ATP13A3: variants seen among roughly 807,000 people sequenced by gnomAD.
ATP13A3 encodes the protein ATPase 13A3.
Under a neutral mutation model 158.1 loss-of-function variants are expected in ATP13A3, and 59 were observed. That is an observed-to-expected ratio of 0.37 (90% confidence interval 0.30 to 0.46). The LOEUF is 0.46. ATP13A3 is among the 20% of genes least tolerant of loss of function. The pLI, the probability that ATP13A3 is intolerant of heterozygous loss-of-function variation, is 1.00. For synonymous variants in ATP13A3, 491 were observed against 504.3 expected (o/e 0.97, Z 0.35); for missense variants, 1,166 against 1,525.2 (o/e 0.76, Z 3.92).
In ATP13A3 at chr3:194,419,912, C is replaced by T. The variant is rs376934418; in HGVS notation, c.3369G>A (p.Leu1123=). ...FLYIFILFIM[L]YPVASVDQVL... is the part of the protein sequence containing the mutation. The stretch of plus-strand genomic sequence containing the variant: ...CCTGGTCAACAGAGGCAACTGGATA[C>T]AACATGATGAATAATATAAAAATAT... Residue 1123 remains leucine (L), a synonymous_variant, in exon 31 of 34, where the codon TTG becomes TTA. Transcript: ENST00000645319. 1.3e-5 allele frequency: 20 copies of T among 1,554,988 alleles called. No individual in the cohort carries two copies. The African/African-American group carries it at 2.5e-4, about 20-fold the overall frequency.
In ATP13A3 at chr3:194,447,568, G is replaced by T. The variant is rs551629335; in HGVS notation, c.1308+284C>A. ...AAGCTTTTGGTGATTATGTGGGGGG[G>T]TTTTTTTTCCTGTTTTTTTTTTTTA... On this transcript the variant is annotated intron_variant, in intron 13 of 33. Transcript: ENST00000645319. Among the ~76,000 whole-genome samples the T allele has an allele frequency of 4.3e-4, 65 of 149,970 alleles. 1 individual carries two copies. In the South Asian group the frequency reaches 9.7e-3, roughly 22 times the overall value.
upstream of ATP13A3, among the ~76,000 whole-genome samples, chr3:194,491,970 C>T (rs1366338140): frequency 6.6e-6 from 1 of 152,192 alleles, no homozygotes; most frequent in Non-Finnish European, 1.5e-5. Flanking sequence ...ACCTCCAGTG[C>T]ATTATCACAC....
rs377079319 is a variant in ATP13A3, at chr3:194,464,198, C to T, written c.-46-1962G>A. Reference sequence around the variant, plus strand: ...GGTCTGTCTGTACAGTTACTTACGTCGTTTTAATAATTTCACTCCTAACTA... The same window carrying T: ...GGTCTGTCTGTACAGTTACTTACGTTGTTTTAATAATTTCACTCCTAACTA... On this transcript the variant is annotated intron_variant, in intron 2 of 33. Transcript: ENST00000645319. Among the ~76,000 whole-genome samples the T allele has an allele frequency of 4.3e-4, 66 of 152,210 alleles. 2 individuals carry two copies. In the South Asian group the frequency reaches 0.013, roughly 31 times the overall value.
intron 27 of ATP13A3, among the ~76,000 whole-genome samples, chr3:194,429,235 T>A (rs1330441820): frequency 6.6e-6 from 1 of 151,584 alleles, no homozygotes; most frequent in Non-Finnish European, 1.5e-5. Flanking sequence ...GAGACCACCC[T>A]GGCCAACATG....
chr3:194,438,974 TG>T lies in ATP13A3; in HGVS notation c.1711-3del. 1.3e-6 allele frequency: 2 copies of T among 1,549,614 alleles called. No individual in the cohort carries two copies. Among genetic ancestry groups the T allele is most frequent in the Non-Finnish European group, 1.7e-6 (2 of 1,145,320 alleles). ...TTCTTCAGTTGCTTCTTCCAGAATC[TG>T]GAAAAAAAAAAGAGACAAAAAAAAA... On this transcript the variant is annotated splice_region_variant and splice_polypyrimidine_tract_variant and intron_variant, in intron 16 of 33. Coordinates refer to ENST00000645319, the MANE Select transcript of ATP13A3 (RefSeq NM_001367549.1).
Position 194,407,949 on chromosome 3 carries a change from C to T in ATP13A3, c.3574-1833G>A, listed in dbSNP as rs181012034. On this transcript the variant is annotated intron_variant, in intron 33 of 33. Transcript: ENST00000645319. ...TTTACTACTTGGATCTTACTTTTCT[C>T]CCAAGGTGTCATTTGTCAATCTAAT... is the stretch of plus-strand genomic sequence containing the variant. 1.2e-4 allele frequency among the ~76,000 whole-genome samples: 19 copies of T among 152,186 alleles called. No homozygotes were observed. In the East Asian group the frequency reaches 1.5e-3, roughly 12 times the overall value.
chr3:194,414,453 C>T (rs1277711933), intron 31 of ATP13A3, among the ~76,000 whole-genome samples: 2 of 134,400 alleles, frequency 1.5e-5, no homozygotes, highest in African/African-American at 6.5e-5. Context: ...ACAGAAGAAC[C>T]TGCCTTAAAA....
intron 2 of ATP13A3, among the ~76,000 whole-genome samples, chr3:194,479,692 CT>C (rs1720673549): frequency 1.3e-5 from 2 of 151,474 alleles, no homozygotes; most frequent in South Asian, 4.1e-4. Context: ...AATTCAAAGT[CT>C]TCTTTAAAAA....
chr3:194,410,328 A>AAAAAAAAT (rs1715305305), intron 33 of ATP13A3, among the ~76,000 whole-genome samples: 1 of 148,950 alleles, frequency 6.7e-6, no homozygotes, highest in East Asian at 1.9e-4. Flanking sequence ...AAAAAAAAAA[A>AAAAAAAAT]AAACTGCTGG....
At chr3:194,493,864 C>G (rs1200527709) in intron 2 of ATP13A3, among the ~76,000 whole-genome samples, 1 of 152,076 alleles carries the variant, frequency 6.6e-6, no homozygotes, top group African/African-American at 2.4e-5. Context: ...GACGAAGAAA[C>G]TTTACATATA....
At chr3:194,480,797 G>T (rs1720719997) in intron 2 of ATP13A3, among the ~76,000 whole-genome samples, 1 of 152,182 alleles carries the variant, frequency 6.6e-6, no homozygotes, top group African/African-American at 2.4e-5. Flanking sequence ...GAATAATGAT[G>T]ATAGTATGCC....
upstream of ATP13A3, chr3:194,487,717 T>A (rs945831400): frequency 6.6e-6 from 1 of 152,368 alleles, no homozygotes; most frequent in African/African-American, 2.4e-5. Context: ...CGCTGCGTCC[T>A]CTCCGCGACG....
At chr3:194,443,164 A>G (rs1433345542) in intron 15 of ATP13A3, among the ~76,000 whole-genome samples, 1 of 152,240 alleles carries the variant, frequency 6.6e-6, no homozygotes, top group African/African-American at 2.4e-5. Context: ...TGCAGACTGT[A>G]TAAGACCAAA....
At chr3:194,410,935 G>GT (rs1715366522) in intron 33 of ATP13A3, among the ~76,000 whole-genome samples, 1 of 121,308 alleles carries the variant, frequency 8.2e-6, no homozygotes, top group African/African-American at 4.1e-5. Flanking sequence ...TTGGGGTGTT[G>GT]GGGTGTGTGT....
At chr3:194,436,977 A>C in intron 20 of ATP13A3, 118 bp downstream of exon 20, 1 of 1,245,034 alleles carries the variant, frequency 8.0e-7, no homozygotes, top group Admixed American at 2.3e-5. Context: ...AAACAATATT[A>C]TATTAGATAT....
chr3:194,431,702 C>A lies in ATP13A3; in HGVS notation c.2421+15G>T, dbSNP rs374739611. The A allele has an allele frequency of 6.6e-6, 10 of 1,506,744 alleles. 1 individual carries two copies. The South Asian group carries it at 1.2e-4, about 18-fold the overall frequency. The allele number at this position is 1,506,744 out of a possible 1,614,324, so 93.3% of individuals were successfully genotyped here. ...ATCAACAAACTTTAAAACGGACAGT[C>A]GATCTTGACCTTACCTCTGGGTCAA... On this transcript the variant is annotated intron_variant, in intron 22 of 33. Transcript: ENST00000645319.
chr3:194,494,025 G>T lies in ATP13A3; in HGVS notation n.746+25C>A. On this transcript the variant is annotated intron_variant and non_coding_transcript_variant, in intron 2 of 32. Coordinates refer to the ATP13A3 transcript ENST00000687055. This position sits in a 1 kb window ranked among gnomAD's most constrained non-coding sequence, Gnocchi z 4.2. ...CTTAAAAATCCCATTTTACAGAATG[G>T]AAAAAGAGGTGTTCAATAACTCACC... 2.5e-6 allele frequency: 1 copy of T among 397,154 alleles called. No individual in the cohort carries two copies. 24.6% of individuals were successfully genotyped at this position (397,154 alleles called of 1,614,324 possible). A position where few individuals can be genotyped will look rare whatever the true frequency, so the allele number is the denominator to read the frequency against.
rs541785715 is a variant in ATP13A3 at position 194,425,172 on chromosome 3, G to A, written c.3313+170C>T. 2.7e-4 allele frequency among the ~76,000 whole-genome samples: 41 copies of A among 152,272 alleles called. No homozygotes were observed. The Middle Eastern group carries it at 0.01, about 38-fold the overall frequency. ...CTGGTAGCTTGAACTTTAAACTTAG[G>A]GTGGCAACTACCAATGAAAGTAAAA... is the stretch of plus-strand genomic sequence containing the variant. On this transcript the variant is annotated intron_variant, in intron 30 of 33. Transcript: ENST00000645319.
chr3:194,416,157 CTG>C (rs921973393), intron 31 of ATP13A3, among the ~76,000 whole-genome samples: 4 of 152,318 alleles, frequency 2.6e-5, no homozygotes, highest in African/African-American at 7.2e-5. Context: ...ATTTCAATAG[CTG>C]CAGAAAAAGC....
Sources: gnomAD v4.1 joint callset for allele counts (sites outside exome capture counted in the v4.1 genomes callset) on GRCh38, gnomAD v4.1.1 for gene constraint, Gnocchi (gnomAD v3.1) non-coding constraint, MANE v1.5 for transcripts, NCBI Gene and HGNC (gene_info 2026-07-23, HGNC 2026-07-21) for gene names.